CDH18: variants seen among roughly 807,000 people sequenced by gnomAD.
CDH18 encodes cadherin-18.
In CDH18, 31 loss-of-function variants were observed where a neutral mutation model predicts 67.9. That is an observed-to-expected ratio of 0.46 (90% CI 0.34 to 0.62). The LOEUF (loss-of-function observed/expected upper bound fraction) is 0.62, where lower values mean the gene tolerates loss of function less well. Ranked by LOEUF, CDH18 falls within the 20% of genes least tolerant of loss-of-function variation. The pLI is 0.01. For synonymous variants in CDH18, 362 were observed against 347.2 expected, an observed-to-expected ratio of 1.04 and a Z score of -0.48; for missense variants, 890 against 975.5, an observed-to-expected ratio of 0.91 and a Z score of 1.17.
intron 1 of CDH18, among the ~76,000 whole-genome samples, chr5:20,414,779 A>G (rs562189975): frequency 1.1e-4 from 17 of 152,196 alleles, no homozygotes; most frequent in Non-Finnish European, 1.9e-4. Context: ...ATATCGTTTC[A>G]TACCTGTGAG....
At chr5:19,792,891 A>G (rs1776508418) in intron 3 of CDH18, among the ~76,000 whole-genome samples, 2 of 152,202 alleles carry the variant, frequency 1.3e-5, no homozygotes, top group African/African-American at 4.8e-5. Context: ...AGGACAAGTT[A>G]TTTAGACGAC....
chr5:19,806,049 C>A (rs772111535), intron 3 of CDH18, among the ~76,000 whole-genome samples: 27 of 152,190 alleles, frequency 1.8e-4, no homozygotes, highest in African/African-American at 6.5e-4. Flanking sequence ...CTGCTCCAAC[C>A]GTTACCCCTG....
intron 2 of CDH18, among the ~76,000 whole-genome samples, chr5:19,948,438 G>C (rs745465807): frequency 1.3e-5 from 2 of 152,082 alleles, no homozygotes; most frequent in African/African-American, 4.8e-5. Flanking sequence ...GTTGATACAC[G>C]CAACGACTTG....
intron 1 of CDH18, among the ~76,000 whole-genome samples, chr5:20,345,651 A>T (rs1181880855): frequency 1.3e-5 from 2 of 151,828 alleles, no homozygotes; most frequent in Admixed American, 6.6e-5. Context: ...TACCTAACCC[A>T]CCTAACCCAG....
intron 1 of CDH18, among the ~76,000 whole-genome samples, chr5:20,478,401 C>T (rs114115504): frequency 0.019 from 2,933 of 152,238 alleles, 42 homozygotes; most frequent in Non-Finnish European, 0.027. Flanking sequence ...CTAGGCCTGA[C>T]AGCATTCATC....
At chr5:19,655,686 A>G (rs1561551134) in intron 5 of CDH18, among the ~76,000 whole-genome samples, 1 of 152,034 alleles carries the variant, frequency 6.6e-6, no homozygotes, top group African/African-American at 2.4e-5. Context: ...GTCTCCTCTT[A>G]AGTTTTCCTC....
chr5:19,647,047 T>G (rs1342185439), intron 5 of CDH18, among the ~76,000 whole-genome samples: 1 of 152,084 alleles, frequency 6.6e-6, no homozygotes, highest in Admixed American at 6.6e-5. Context: ...AATCATAGAT[T>G]TTAGCATATT....
chr5:19,756,028 C>T (rs1771557996), intron 3 of CDH18, among the ~76,000 whole-genome samples: 1 of 152,058 alleles, frequency 6.6e-6, no homozygotes, highest in Non-Finnish European at 1.5e-5. Flanking sequence ...ACAAGTACAC[C>T]CCTTGTCAAG....
At chr5:20,231,576 G>A (rs1298854810) in intron 2 of CDH18, among the ~76,000 whole-genome samples, 7 of 151,018 alleles carry the variant, frequency 4.6e-5, no homozygotes, top group African/African-American at 1.5e-4. Context: ...CTCCAGCCTG[G>A]GCAACAAGAG....
intron 2 of CDH18, among the ~76,000 whole-genome samples, chr5:20,198,919 G>T (rs1410161937): frequency 6.6e-6 from 1 of 152,208 alleles, no homozygotes; most frequent in African/African-American, 2.4e-5. Context: ...GCTTCCACAT[G>T]GTGTTGGTCC....
intron 5 of CDH18, among the ~76,000 whole-genome samples, chr5:19,716,546 G>A (rs1182934484): frequency 6.6e-6 from 1 of 151,850 alleles, no homozygotes; most frequent in East Asian, 1.9e-4. Flanking sequence ...TCATTATTAG[G>A]TGTAGGGAAT....
intron 6 of CDH18, among the ~76,000 whole-genome samples, chr5:19,601,460 T>C (rs1366730575): frequency 6.6e-6 from 1 of 151,986 alleles, no homozygotes; most frequent in East Asian, 1.9e-4. Context: ...CAATAAGCCA[T>C]CAAAAACTTC....
intron 2 of CDH18, among the ~76,000 whole-genome samples, chr5:19,871,828 G>C (rs1279503709): frequency 1.3e-5 from 2 of 152,108 alleles, no homozygotes; most frequent in Non-Finnish European, 2.9e-5. Context: ...CCTTTGGCAA[G>C]AACACAGCAA....
chr5:19,493,669 T>C (rs1018482871), intron 11 of CDH18, among the ~76,000 whole-genome samples: 2 of 152,150 alleles, frequency 1.3e-5, no homozygotes, highest in African/African-American at 4.8e-5. Flanking sequence ...AGAAATCCTA[T>C]ATTTTCAATC....
chr5:19,625,041 GAA>G (rs397883821), intron 5 of CDH18, among the ~76,000 whole-genome samples: 4 of 135,610 alleles, frequency 2.9e-5, no homozygotes, highest in Non-Finnish European at 3.2e-5. Flanking sequence ...GCAGATTAGT[GAA>G]AAAAAAAAAA....
At chr5:20,371,730 A>T (rs1743018434) in intron 1 of CDH18, among the ~76,000 whole-genome samples, 1 of 152,226 alleles carries the variant, frequency 6.6e-6, no homozygotes, top group Non-Finnish European at 1.5e-5. Context: ...GCACATGGAA[A>T]GTTCCTAAAG....
At chr5:19,543,785 T>C (rs1735818272) in intron 9 of CDH18, 84 bp downstream of exon 9, 1 of 926,972 alleles carries the variant, frequency 1.1e-6, no homozygotes, top group Non-Finnish European at 1.6e-6. Context: ...AAATAAAGAT[T>C]ATGAGAGCCC....
chr5:19,660,335 A>AT (rs1165030104), intron 5 of CDH18, among the ~76,000 whole-genome samples: 1 of 152,124 alleles, frequency 6.6e-6, no homozygotes, highest in Non-Finnish European at 1.5e-5. Context: ...AACATTTCTC[A>AT]TTTTTTACAG....
At chr5:19,687,535 A>G (rs1455502310) in intron 5 of CDH18, among the ~76,000 whole-genome samples, 2 of 152,172 alleles carry the variant, frequency 1.3e-5, no homozygotes. Context: ...GCATAGGACA[A>G]GGGAGCCATA....
Sources: gnomAD v4.1 joint callset for allele counts (sites outside exome capture counted in the v4.1 genomes callset) on GRCh38, gnomAD v4.1.1 for gene constraint, MANE v1.5 for transcripts, NCBI Gene and HGNC (gene_info 2026-07-23, HGNC 2026-07-21) for gene names.